The following ARIH1 variants were observed in gnomAD, a reference collection of about 807,000 sequenced individuals.
The protein encoded by ARIH1 is ariadne RBR E3 ubiquitin protein ligase 1.
In ARIH1, 8 loss-of-function variants were observed where a neutral mutation model predicts 85.0. The observed-to-expected ratio is 0.09, with a 90% CI of 0.06 to 0.17. The LOEUF (loss-of-function observed/expected upper bound fraction) is 0.17. Among genes scored for constraint, ARIH1 ranks in the 10% least tolerant of loss-of-function variants. The pLI, the probability that ARIH1 is intolerant of heterozygous loss-of-function variation, is 1.00. For synonymous variants in ARIH1, 238 were observed against 253.6 expected (o/e 0.94, Z 0.59); for missense variants, 311 against 718.1 (o/e 0.43, Z 6.48).
intron 3 of ARIH1, among the ~76,000 whole-genome samples, chr15:72,549,559 C>T (rs887772872): frequency 1.4e-4 from 22 of 152,282 alleles, no homozygotes; most frequent in Non-Finnish European, 2.6e-4. Flanking sequence ...AAAATACCTA[C>T]GTCCCACCCT....
chr15:72,573,708 T>G (rs1289991798), intron 11 of ARIH1, among the ~76,000 whole-genome samples: 1 of 151,616 alleles, frequency 6.6e-6, no homozygotes, highest in African/African-American at 2.4e-5. Flanking sequence ...TAATATTATT[T>G]AAATATGTAT....
chr15:72,498,660 A>G (rs1466061073), intron 1 of ARIH1, among the ~76,000 whole-genome samples: 1 of 152,122 alleles, frequency 6.6e-6, no homozygotes, highest in East Asian at 1.9e-4. Flanking sequence ...CCTGACCAAC[A>G]TGGCGAAACC....
intron 2 of ARIH1, among the ~76,000 whole-genome samples, chr15:72,541,837 G>T (rs937377757): frequency 6.6e-6 from 1 of 152,190 alleles, no homozygotes; most frequent in Non-Finnish European, 1.5e-5. Flanking sequence ...TCCTCATGGG[G>T]TTTACATTCT....
intron 1 of ARIH1, among the ~76,000 whole-genome samples, chr15:72,480,292 C>T (rs1449056831): frequency 6.8e-6 from 1 of 147,654 alleles, no homozygotes; most frequent in Non-Finnish European, 1.5e-5. Context: ...ATACATGTCT[C>T]ACTGTGTCAC....
In ARIH1 at chr15:72,601,992, T is replaced by C. The variant is rs902998806; in HGVS notation, c.*18700T>C. 5 of 152,230 alleles carry C rather than the reference T, an allele frequency of 3.3e-5. No individual in the cohort carries two copies. The highest frequency in any genetic ancestry group is 7.3e-5 in the Non-Finnish European group (5 of 68,032). The allele number at this position is 152,230 out of a possible 1,614,324, so 9.4% of individuals were successfully genotyped here. On this transcript the variant is annotated 3_prime_UTR_variant, in exon 14 of 14. Transcript: ENST00000379887. ...TTTTCTGCACTTTATCTGTTAATAATATATCTTGGCAATTATTCAATATTA... is the reference window on the plus strand; with the variant it reads ...TTTTCTGCACTTTATCTGTTAATAACATATCTTGGCAATTATTCAATATTA...
Position 72,601,481 on chromosome 15 carries a change from C to T in ARIH1, c.*18189C>T, listed in dbSNP as rs898472521. On this transcript the variant is annotated 3_prime_UTR_variant, in exon 14 of 14. Transcript: ENST00000379887. The stretch of plus-strand genomic sequence containing the variant: ...GTGCTGCAAACTGGCTGAGATTCTT[C>T]CATCCTCAGGGCCTTTGCACAAGTT... The T allele has an allele frequency of 6.6e-6, 1 of 152,216 alleles. No homozygotes were observed. The highest frequency in any genetic ancestry group is 2.4e-5 in the African/African-American group (1 of 41,428). 9.4% of individuals were successfully genotyped at this position (152,216 alleles called of 1,614,324 possible). A position where few individuals can be genotyped will look rare whatever the true frequency, so the allele number is the denominator to read the frequency against.
chr15:72,566,624 TC>T lies in ARIH1; in HGVS notation c.954+20del. 1 of 1,603,426 alleles carries T rather than the reference TC, an allele frequency of 6.2e-7. No individual in the cohort carries two copies. On this transcript the variant is annotated intron_variant, in intron 8 of 13. Coordinates refer to ENST00000379887, the MANE Select transcript of ARIH1 (RefSeq NM_005744.5). ...ATGTAAGGTGAGTTTGTCTGACATT[TC>T]AATTTTTAAATAATGGCACACTTCT... is the stretch of plus-strand genomic sequence containing the variant.
intron 11 of ARIH1, among the ~76,000 whole-genome samples, chr15:72,573,616 C>T (rs181733188): frequency 9.4e-4 from 143 of 152,052 alleles, no homozygotes; most frequent in South Asian, 1.9e-3. Context: ...AATGATGTTT[C>T]ACAGACCTTC....
chr15:72,479,046 G>T (rs571858152), intron 1 of ARIH1, among the ~76,000 whole-genome samples: 1 of 151,866 alleles, frequency 6.6e-6, no homozygotes, highest in Non-Finnish European at 1.5e-5. Context: ...TTGCTCTGTT[G>T]CCCAGGCCAG....
rs2064329772 is a variant in ARIH1 at position 72,589,020 on chromosome 15, ATAG to A, written c.*5734_*5736del. ...CTTGTATTTTTATTTCAAGTGTGGT[ATAG>A]TAGTAAGAATATTGGTATTTCTCAG... On this transcript the variant is annotated 3_prime_UTR_variant, in exon 14 of 14. Coordinates refer to ENST00000379887, the MANE Select transcript of ARIH1 (RefSeq NM_005744.5). 6.6e-6 allele frequency: 1 copy of A among 152,282 alleles called. No homozygotes were observed. The highest frequency in any genetic ancestry group is 1.9e-4 in the East Asian group (1 of 5,184). The allele number at this position is 152,282 out of a possible 1,614,324, so 9.4% of individuals were successfully genotyped here.
chr15:72,504,950 A>G (rs1275357480), intron 1 of ARIH1, among the ~76,000 whole-genome samples: 1 of 152,244 alleles, frequency 6.6e-6, no homozygotes, highest in East Asian at 1.9e-4. Context: ...TAAAGGGAAG[A>G]AAAACTATAC....
At position 72,592,124 on chromosome 15, in the gene ARIH1, G is replaced by A. The variant is rs1262992944; in HGVS notation, c.*8832G>A. On this transcript the variant is annotated 3_prime_UTR_variant, in exon 14 of 14. Transcript: ENST00000379887. ...ACTCGCTTGCAATAAAGTAGGTTAAGTGCTGTACTTTAAGGAAGTCCATGT... is the reference window on the plus strand; with the variant it reads ...ACTCGCTTGCAATAAAGTAGGTTAAATGCTGTACTTTAAGGAAGTCCATGT... The A allele has an allele frequency of 2.6e-5, 4 of 152,220 alleles. No individual in the cohort carries two copies. The highest frequency in any genetic ancestry group is 9.7e-5 in the African/African-American group (4 of 41,444). 9.4% of individuals were successfully genotyped at this position (152,220 alleles called of 1,614,324 possible).
At chr15:72,505,219 G>A (rs2063919736) in intron 1 of ARIH1, among the ~76,000 whole-genome samples, 2 of 152,146 alleles carry the variant, frequency 1.3e-5, no homozygotes, top group South Asian at 4.1e-4. Context: ...TCAGGTGATT[G>A]TAATTTTGTG....
Position 72,582,388 on chromosome 15 carries a change from TTTATTC to T in ARIH1, c.1589+203_1589+208del, listed in dbSNP as rs1362837604. 6.6e-6 allele frequency among the ~76,000 whole-genome samples: 1 copy of T among 152,160 alleles called. No individual in the cohort carries two copies. Among genetic ancestry groups the T allele is most frequent in the Non-Finnish European group, 1.5e-5 (1 of 68,036 alleles). ...CATACATAGAGAAGGAATTCAGCCA[TTTATTC>T]TATTGGCTAATTCCACTTCTGTTCA... On this transcript the variant is annotated intron_variant, in intron 13 of 13. Coordinates refer to ENST00000379887, the MANE Select transcript of ARIH1 (RefSeq NM_005744.5). The surrounding 1 kb of genome is among the most constrained non-coding windows in gnomAD (Gnocchi z 4.6).
intron 2 of ARIH1, among the ~76,000 whole-genome samples, chr15:72,521,199 G>GTCC (rs2063998040): frequency 1.1e-5 from 1 of 89,740 alleles, no homozygotes; most frequent in African/African-American, 4.5e-5. Flanking sequence ...TGTATTTAAT[G>GTCC]CCCCCCCCCC....
At chr15:72,521,443 T>A (rs2063999550) in intron 2 of ARIH1, among the ~76,000 whole-genome samples, 1 of 152,172 alleles carries the variant, frequency 6.6e-6, no homozygotes, top group African/African-American at 2.4e-5. Flanking sequence ...TTTTGGAAAT[T>A]CTCAGCTGTT....
chr15:72,561,344 C>G, intron 5 of ARIH1, 139 bp from the exon 6 acceptor site: 8 of 642,994 alleles, frequency 1.2e-5, no homozygotes, highest in Non-Finnish European at 2.2e-5. Flanking sequence ...TTGTTGATAG[C>G]CTATGTGCAT....
chr15:72,522,896 C>G (rs139151719), intron 2 of ARIH1, among the ~76,000 whole-genome samples: 130 of 152,292 alleles, frequency 8.5e-4, no homozygotes, highest in Admixed American at 1.7e-3. Flanking sequence ...AAAAGATGCT[C>G]CATGTCCTAT....
intron 1 of ARIH1, among the ~76,000 whole-genome samples, chr15:72,497,461 A>T (rs933481524): frequency 4.9e-5 from 1 of 20,402 alleles, no homozygotes; most frequent in Non-Finnish European, 8.2e-3. Context: ...TTCTGGCTTA[A>T]AAAAAAAACA....
Sources: gnomAD v4.1 joint callset for allele counts (sites outside exome capture counted in the v4.1 genomes callset) on GRCh38, gnomAD v4.1.1 for gene constraint, Gnocchi (gnomAD v3.1) non-coding constraint, MANE v1.5 for transcripts, NCBI Gene and HGNC (gene_info 2026-07-23, HGNC 2026-07-21) for gene names.